FRMD4B: variants seen among roughly 807,000 people sequenced by gnomAD.
FRMD4B encodes FERM domain-containing protein 4B.
FRMD4B carries 74 observed loss-of-function variants against 141.5 expected under a neutral mutation model. The ratio of observed to expected loss-of-function variants is 0.52; its 90% CI spans 0.43 to 0.63. The LOEUF is 0.63. Ranked by LOEUF, FRMD4B falls within the 30% of genes least tolerant of loss-of-function variation. The probability of loss-of-function intolerance (pLI) is 0.00; values close to 1 mark genes in which losing one functional copy is unlikely to be tolerated. For synonymous variants in FRMD4B, 506 were observed against 467.9 expected (o/e 1.08, Z -1.05); for missense variants, 1,366 against 1,253.4 (o/e 1.09, Z -1.36).
intron 7 of FRMD4B, 96 bp from the exon 8 acceptor site, chr3:69,224,786 T>C: frequency 1.4e-6 from 1 of 694,072 alleles, no homozygotes; most frequent in Non-Finnish European, 2.6e-6. Context: ...AATAACTATT[T>C]ACAGCATGTT....
intron 7 of FRMD4B, among the ~76,000 whole-genome samples, chr3:69,234,157 A>G (rs1292347481): frequency 6.6e-6 from 1 of 151,648 alleles, no homozygotes; most frequent in Non-Finnish European, 1.5e-5. Flanking sequence ...GAGGCAGGAG[A>G]ATTGCTTGCA....
intron 2 of FRMD4B, among the ~76,000 whole-genome samples, chr3:69,423,420 C>G (rs1363125104): frequency 6.6e-6 from 1 of 152,188 alleles, no homozygotes; most frequent in African/African-American, 2.4e-5. Flanking sequence ...AAATAAAGCG[C>G]TGCCCTCTTG....
chr3:69,432,566 C>A (rs1388057700), intron 2 of FRMD4B: 2 of 147,316 alleles, frequency 1.4e-5, no homozygotes, highest in African/African-American at 4.9e-5. Flanking sequence ...TGCAAACACA[C>A]ATAAACTCAC....
At chr3:69,444,878 A>G (rs1036583236) in intron 1 of FRMD4B, among the ~76,000 whole-genome samples, 1 of 152,208 alleles carries the variant, frequency 6.6e-6, no homozygotes, top group Non-Finnish European at 1.5e-5. Flanking sequence ...CTAGATGTAA[A>G]TAGCCCAAGG....
intron 1 of FRMD4B, among the ~76,000 whole-genome samples, chr3:69,370,257 G>A: frequency 6.6e-6 from 1 of 152,222 alleles, no homozygotes; most frequent in Admixed American, 6.5e-5. Flanking sequence ...AAAAAAGAGA[G>A]CAAACGGTCT....
intron 1 of FRMD4B, among the ~76,000 whole-genome samples, chr3:69,461,823 A>C (rs1282371526): frequency 6.6e-6 from 1 of 152,030 alleles, no homozygotes; most frequent in African/African-American, 2.4e-5. Context: ...CCCAGTTTTT[A>C]CCTGTTGTCT....
At chr3:69,325,120 AG>A (rs1702151314) in intron 1 of FRMD4B, among the ~76,000 whole-genome samples, 1 of 151,964 alleles carries the variant, frequency 6.6e-6, no homozygotes, top group Non-Finnish European at 1.5e-5. Flanking sequence ...AAAGAAAGAA[AG>A]AAAGAAAAGA....
intron 2 of FRMD4B, among the ~76,000 whole-genome samples, chr3:69,397,299 G>GGTT (rs1704489591): frequency 6.6e-6 from 1 of 152,092 alleles, no homozygotes; most frequent in Non-Finnish European, 1.5e-5. Context: ...ATAAGTTGGT[G>GGTT]GTTGCCAGGG....
chr3:69,191,872 A>C (rs1452387381), intron 17 of FRMD4B, among the ~76,000 whole-genome samples: 1 of 152,176 alleles, frequency 6.6e-6, no homozygotes, highest in Non-Finnish European at 1.5e-5. Flanking sequence ...GCTACTCTAC[A>C]TTCTCCAGCT....
chr3:69,300,017 C>T (rs192159353), intron 4 of FRMD4B, among the ~76,000 whole-genome samples: 42 of 152,236 alleles, frequency 2.8e-4, no homozygotes, highest in African/African-American at 9.4e-4. Context: ...AAACAGGCAA[C>T]CTGGAGATTT....
chr3:69,539,128 T>C (rs974587525), intron 1 of FRMD4B, among the ~76,000 whole-genome samples: 1 of 152,222 alleles, frequency 6.6e-6, no homozygotes, highest in Non-Finnish European at 1.5e-5. Flanking sequence ...AACCTTCACT[T>C]ATGTGTGTAA....
At chr3:69,437,727 C>A (rs1575802390) in intron 1 of FRMD4B, among the ~76,000 whole-genome samples, 1 of 127,226 alleles carries the variant, frequency 7.9e-6, no homozygotes, top group South Asian at 2.3e-4. Flanking sequence ...TATATAAATA[C>A]ATATTATATA....
At position 69,250,281 on chromosome 3, in the gene FRMD4B, C is replaced by CTG. The variant is rs780190498; in HGVS notation, c.502-184_502-183dup. ...CTCATTGAGGGTTAAGGCGAAACCA[C>CTG]TGTGTGTGCGTGTGTGTGTGTGTGT... On this transcript the variant is annotated intron_variant, in intron 5 of 22. Coordinates refer to ENST00000398540, the MANE Select transcript of FRMD4B (RefSeq NM_015123.3). 1.5e-4 allele frequency: 79 copies of CTG among 511,632 alleles called. 1 individual carries two copies. The highest frequency in any genetic ancestry group is 2.2e-4 in the Admixed American group (6 of 26,720). The allele number at this position is 511,632 out of a possible 1,614,324, so 31.7% of individuals were successfully genotyped here.
intron 1 of FRMD4B, chr3:69,336,523 G>T (rs1702557317): frequency 6.6e-6 from 1 of 152,246 alleles, no homozygotes; most frequent in African/African-American, 2.4e-5. Context: ...GACCAAACTG[G>T]AGTGGGTGAG....
chr3:69,540,636 A>AAAAAAAAAT (rs1553652109), intron 1 of FRMD4B, among the ~76,000 whole-genome samples: 3 of 69,532 alleles, frequency 4.3e-5, no homozygotes, highest in African/African-American at 1.7e-4. Context: ...AAAAAAAAAA[A>AAAAAAAAAT]ATATATATAT....
intron 11 of FRMD4B, among the ~76,000 whole-genome samples, chr3:69,214,800 T>G (rs1313283549): frequency 6.6e-6 from 1 of 152,106 alleles, no homozygotes; most frequent in African/African-American, 2.4e-5. Flanking sequence ...AAATCGAGGC[T>G]GCAGTGACCT....
intron 5 of FRMD4B, among the ~76,000 whole-genome samples, chr3:69,254,601 G>A (rs934678016): frequency 1.1e-4 from 17 of 152,116 alleles, no homozygotes; most frequent in African/African-American, 4.1e-4. Context: ...AGCTTCATGA[G>A]CCTCCTGATC....
chr3:69,305,722 C>T lies in FRMD4B; in HGVS notation c.324-3287G>A, dbSNP rs1274777482. ...TGAGCTATGATCATGCCACTGCACT[C>T]CAGCCTGGGAAACAGAGAGAGACCC... is the stretch of plus-strand genomic sequence containing the variant. On this transcript the variant is annotated intron_variant, in intron 3 of 22. Coordinates refer to ENST00000398540, the MANE Select transcript of FRMD4B (RefSeq NM_015123.3). Among the ~76,000 whole-genome samples, 5 of 152,072 alleles carry T rather than the reference C, an allele frequency of 3.3e-5. No homozygotes were observed. In the East Asian group the frequency reaches 9.6e-4, roughly 29 times the overall value.
Position 69,198,739 on chromosome 3 carries a change from G to A in FRMD4B, c.912C>T (p.Phe304=), listed in dbSNP as rs980602924. 1 of 1,566,380 alleles carries A rather than the reference G, an allele frequency of 6.4e-7. No homozygotes were observed. Among genetic ancestry groups the A allele is most frequent in the Non-Finnish European group, 8.7e-7 (1 of 1,148,094 alleles). Residue 304 remains phenylalanine, a synonymous_variant, in exon 12 of 23, where the codon TTC becomes TTT. Coordinates refer to ENST00000398540, the MANE Select transcript of FRMD4B (RefSeq NM_015123.3). The part of the protein sequence containing the change: ...FQWKQLENLY[F]REKKFAVEVH... ...CTTCAACAGCAAATTTTTTCTCACG[G>A]AAATATAAGTTCTCCAGCTGTTTCC...
Sources: allele counts gnomAD v4.1 joint callset (sites outside exome capture counted in the v4.1 genomes callset), GRCh38; gene constraint gnomAD v4.1.1; transcripts MANE v1.5; gene names NCBI Gene and HGNC (gene_info 2026-07-23, HGNC 2026-07-21).